LRRC24: variants seen among roughly 807,000 people sequenced by gnomAD.
LRRC24 encodes the protein leucine rich repeat containing 24.
A neutral mutation model predicts 15.3 loss-of-function variants in LRRC24; 19 were observed. The observed-to-expected ratio is 1.25, with a 90% CI of 0.87 to 1.83. The LOEUF (loss-of-function observed/expected upper bound fraction) is 1.83, where lower values mean the gene tolerates loss of function less well. Among genes scored for constraint, LRRC24 ranks in the 40% most tolerant of loss-of-function variants. The probability of loss-of-function intolerance (pLI) is 0.00; values close to 1 mark genes in which losing one functional copy is unlikely to be tolerated. For missense variants in LRRC24, 914 were observed against 723.9 expected (o/e 1.26, Z -3.01); for synonymous variants, 469 against 359.6 (o/e 1.30, Z -3.44).
At chr8:144,525,638 C>T (rs1245591543) in intron 1 of LRRC24, 2 of 152,222 alleles carry the variant, frequency 1.3e-5, no homozygotes, top group African/African-American at 4.8e-5. Context: ...GTGGGACCAG[C>T]TTAACTAGAA....
chr8:144,522,520 C>T lies in LRRC24; in HGVS notation c.1497G>A (p.Pro499=), dbSNP rs764467429. The change falls in exon 5 of 5, where the codon CCG becomes CCA. Residue 499 remains proline, a synonymous_variant. Transcript: ENST00000529415. ...CGACCGGCGGGGGCACGCGGAGTCC[C>T]GGCCCCGCCCCCTGTTCCGGGCCGC... The part of the protein sequence containing the change: ...ADCGPEQGAG[P]GLRVPPPVAY... 5.3e-6 allele frequency: 8 copies of T among 1,509,368 alleles called. No individual in the cohort carries two copies. Among genetic ancestry groups the T allele is most frequent in the Non-Finnish European group, 7.1e-6 (8 of 1,132,644 alleles). The allele number at this position is 1,509,368 out of a possible 1,614,324, so 93.5% of individuals were successfully genotyped here. A position where few individuals can be genotyped will look rare whatever the true frequency, so the allele number is the denominator to read the frequency against.
In LRRC24 at chr8:144,522,952, G is replaced by A. The variant is rs755456817; in HGVS notation, c.1065C>T (p.Arg355=). The A allele has an allele frequency of 6.4e-7, 1 of 1,571,812 alleles. No individual in the cohort carries two copies. Among genetic ancestry groups the A allele is most frequent in the Non-Finnish European group, 8.6e-7 (1 of 1,166,940 alleles). ...CEASNAGGAA[R]VPFRLLVNAS... ...CGTTGACCAGGAGCCGGAAGGGCAC[G>A]CGGGCAGCGCCGCCGGCGTTGGAGG... is the stretch of plus-strand genomic sequence containing the variant. The change falls in exon 5 of 5, where the codon CGC becomes CGT. Residue 355 remains arginine, a synonymous_variant. Transcript: ENST00000529415.
rs1440264595 is a variant in LRRC24 at position 144,522,975 on chromosome 8, A to C, written c.1042T>G (p.Ser348Ala). ...ACGCGGGCAGCGCCGCCGGCGTTGG[A>C]GGCCTCGCACTCGTACTTACCGGCG... is the stretch of plus-strand genomic sequence containing the variant. ...AHAGKYECEA[S>A]NAGGAARVPF... The change falls in exon 5 of 5, where the codon TCC (serine) becomes GCC (alanine). Residue 348 changes from serine (S) to alanine (A), a missense_variant. Ser to Ala is a moderately conservative substitution (Grantham distance 99, BLOSUM62 1). Coordinates refer to ENST00000529415, the MANE Select transcript of LRRC24 (RefSeq NM_001024678.4). The C allele has an allele frequency of 6.3e-7, 1 of 1,587,812 alleles. No homozygotes were observed. The highest frequency in any genetic ancestry group is 1.1e-5 in the South Asian group (1 of 90,022).
chr8:144,524,659 C>G lies in LRRC24; in HGVS notation c.220G>C (p.Ala74Pro). ...RLEPGALAPLAALRRLYLHNN... is the reference protein window; with the variant it reads ...RLEPGALAPLPALRRLYLHNN... ...TGCAGGTAGAGCCGGCGCAGAGCGGCGAGTGGCGCCAGGGCTCCCGGCTCT... is the reference window on the plus strand; with the variant it reads ...TGCAGGTAGAGCCGGCGCAGAGCGGGGAGTGGCGCCAGGGCTCCCGGCTCT... Residue 74 changes from alanine (A) to proline (P), a missense_variant, in exon 3 of 5, where the codon GCC becomes CCC. By Grantham distance (27) the Ala-to-Pro change is conservative. Coordinates refer to ENST00000529415, the MANE Select transcript of LRRC24 (RefSeq NM_001024678.4). 1 of 1,495,138 alleles carries G rather than the reference C, an allele frequency of 6.7e-7. No homozygotes were observed. 92.6% of individuals were successfully genotyped at this position (1,495,138 alleles called of 1,614,324 possible).
In LRRC24 at chr8:144,524,921, G is replaced by C; in HGVS notation, c.54C>G (p.Leu18=). ...AGGCTGCTGGGCAGCCGGCGGCGCG[G>C]AGCGGCAGTAGTAGCAGCAGCAGCG... is the stretch of plus-strand genomic sequence containing the variant. ...LLPLLLLLLP[L]RAAGCPAACR... Residue 18 remains leucine (L), a synonymous_variant, in exon 2 of 5, where the codon CTC becomes CTG. Transcript: ENST00000529415. 6.6e-7 allele frequency: 1 copy of C among 1,513,792 alleles called. No individual in the cohort carries two copies. Among genetic ancestry groups the C allele is most frequent in the African/African-American group, 1.4e-5 (1 of 72,176 alleles). 93.8% of individuals were successfully genotyped at this position (1,513,792 alleles called of 1,614,324 possible).
rs1020393264 is a variant in LRRC24, at chr8:144,526,991, C to T, written c.-91G>A. The T allele has an allele frequency of 2.0e-5, 3 of 153,260 alleles. No individual in the cohort carries two copies. The highest frequency in any genetic ancestry group is 4.8e-5 in the African/African-American group (2 of 41,464). The allele number at this position is 153,260 out of a possible 1,614,324, so 9.5% of individuals were successfully genotyped here. On this transcript the variant is annotated 5_prime_UTR_variant, in exon 1 of 5. Coordinates refer to ENST00000529415, the MANE Select transcript of LRRC24 (RefSeq NM_001024678.4). ...CTCCCGCGGCGAGCGGCTCCCCCGC[C>T]GTGCAGGTGGCGGCCGGGCCCGAGC... is the stretch of plus-strand genomic sequence containing the variant.
At position 144,524,476 on chromosome 8, in the gene LRRC24, C is replaced by T; in HGVS notation, c.403G>A (p.Ala135Thr). ...RVLYLAGNQLARLLDFTFLHL... is the reference protein window; with the variant it reads ...RVLYLAGNQLTRLLDFTFLHL... ...AAGAAGGTGAAATCCAGCAGCCGCG[C>T]CAGCTGGTTGCCCGCCAGGTAGAGC... The change falls in exon 3 of 5, where the codon GCG (alanine) becomes ACG (threonine). Residue 135 changes from alanine to threonine, a missense_variant. Transcript: ENST00000529415. 6.3e-7 allele frequency: 1 copy of T among 1,597,846 alleles called. No homozygotes were observed. Among genetic ancestry groups the T allele is most frequent in the East Asian group, 2.2e-5 (1 of 44,864 alleles).
chr8:144,523,547 C>T (rs1816219804), intron 4 of LRRC24, 138 bp from the exon 5 acceptor site: 18 of 1,332,860 alleles, frequency 1.4e-5, no homozygotes, highest in African/African-American at 6.1e-5. Context: ...GGCCCTGCCA[C>T]CCCTTCCTTG....
At position 144,522,485 on chromosome 8, in the gene LRRC24, A is replaced by C. The variant is rs1160097039; in HGVS notation, c.1532T>G (p.Ile511Ser). 3 of 1,487,700 alleles carry C rather than the reference A, an allele frequency of 2.0e-6. No individual in the cohort carries two copies. Among genetic ancestry groups the C allele is most frequent in the South Asian group, 1.3e-5 (1 of 76,198 alleles). The allele number at this position is 1,487,700 out of a possible 1,614,324, so 92.2% of individuals were successfully genotyped here. A position where few individuals can be genotyped will look rare whatever the true frequency, so the allele number is the denominator to read the frequency against. The part of the protein sequence containing the change: ...LRVPPPVAYE[I>S]HC ...CGCGCGCCCGCGGCCCTAGCAGTGG[A>C]TCTCGTAGGCGACCGGCGGGGGCAC... The change falls in exon 5 of 5, where the codon ATC becomes AGC. Residue 511 changes from isoleucine (I) to serine (S), a missense_variant. Physicochemically the swap from Ile to Ser is moderately radical, Grantham distance 142 (BLOSUM62 -2). Coordinates refer to ENST00000529415, the MANE Select transcript of LRRC24 (RefSeq NM_001024678.4).
In LRRC24 at chr8:144,523,131, C is replaced by A. The variant is rs370398968; in HGVS notation, c.886G>T (p.Val296Leu). The change falls in exon 5 of 5, where the codon GTG becomes TTG. Residue 296 changes from valine to leucine, a missense_variant. By Grantham distance (32) the Val-to-Leu change is conservative. Coordinates refer to ENST00000529415, the MANE Select transcript of LRRC24 (RefSeq NM_001024678.4). ...GGCCGGCCCTCGCGAGGCTGGGGCA[C>A]CTTTCTCCAGGTCACCAATGGCTGC... ...YPQPLVTWRK[V>L]PQPREGRPRA... 8.3e-5 allele frequency: 134 copies of A among 1,610,468 alleles called. No individual in the cohort carries two copies. The highest frequency in any genetic ancestry group is 1.1e-4 in the Non-Finnish European group (128 of 1,179,518).
At chr8:144,525,540 C>T (rs2130800325) in intron 1 of LRRC24, among the ~76,000 whole-genome samples, 1 of 152,260 alleles carries the variant, frequency 6.6e-6, no homozygotes, top group Middle Eastern at 3.4e-3. Context: ...CCTGTGGGGG[C>T]CTGGGCAGAG....
Position 144,522,555 on chromosome 8 carries a change from G to A in LRRC24, c.1462C>T (p.Pro488Ser), listed in dbSNP as rs529876907. The A allele has an allele frequency of 2.5e-5, 38 of 1,538,036 alleles. No individual in the cohort carries two copies. The highest frequency in any genetic ancestry group is 1.2e-4 in the Admixed American group (6 of 49,398). Residue 488 changes from proline (P) to serine (S), a missense_variant, in exon 5 of 5, where the codon CCC becomes TCC. Coordinates refer to ENST00000529415, the MANE Select transcript of LRRC24 (RefSeq NM_001024678.4). ...PLFAEGPAEA[P>S]ADCGPEQGAG... ...CCCTGTTCCGGGCCGCAGTCAGCGG[G>A]CGCCTCCGCCGGACCCTCGGCGAAG...
chr8:144,522,941 C>G lies in LRRC24; in HGVS notation c.1076G>C (p.Arg359Pro). ...CTGCCGGGACGCGTTGACCAGGAGC[C>G]GGAAGGGCACGCGGGCAGCGCCGCC... ...NAGGAARVPFRLLVNASRQQP... is the reference protein window; with the variant it reads ...NAGGAARVPFPLLVNASRQQP... Residue 359 changes from arginine (R) to proline (P), a missense_variant, in exon 5 of 5, where the codon CGG becomes CCG. Physicochemically the swap from Arg to Pro is moderately radical, Grantham distance 103. Coordinates refer to ENST00000529415, the MANE Select transcript of LRRC24 (RefSeq NM_001024678.4). 1 of 1,557,704 alleles carries G rather than the reference C, an allele frequency of 6.4e-7. No individual in the cohort carries two copies. Among genetic ancestry groups the G allele is most frequent in the Non-Finnish European group, 8.6e-7 (1 of 1,160,980 alleles).
In LRRC24 at chr8:144,522,840, T is replaced by C; in HGVS notation, c.1177A>G (p.Ser393Gly). The C allele has an allele frequency of 7.3e-7, 1 of 1,378,188 alleles. No individual in the cohort carries two copies. Among genetic ancestry groups the C allele is most frequent in the Non-Finnish European group, 9.4e-7 (1 of 1,068,180 alleles). 85.4% of individuals were successfully genotyped at this position (1,378,188 alleles called of 1,614,324 possible). Residue 393 changes from serine (S) to glycine (G), a missense_variant, in exon 5 of 5, where the codon AGC becomes GGC. Transcript: ENST00000529415. ...AGSEPRPEAGSMAFRALGVAT... is the reference protein window; with the variant it reads ...AGSEPRPEAGGMAFRALGVAT... ...ACGCCCAGGGCGCGGAAGGCCATGC[T>C]GCCCGCCTCGGGCCGGGGCTCGCTG...
chr8:144,525,599 G>A (rs1816333095), intron 1 of LRRC24: 2 of 152,244 alleles, frequency 1.3e-5, no homozygotes, highest in Admixed American at 6.5e-5. Flanking sequence ...GCACAGCTTT[G>A]TCCAGCACCT....
chr8:144,526,476 T>C (rs1816364665), intron 1 of LRRC24: 1 of 152,192 alleles, frequency 6.6e-6, no homozygotes, highest in Non-Finnish European at 1.5e-5. Flanking sequence ...CCCCACTAGA[T>C]GCAGATCGGT....
Position 144,522,869 on chromosome 8 carries a change from G to C in LRRC24, c.1148C>G (p.Ala383Gly), listed in dbSNP as rs1338908402. Reference protein sequence around the residue: ...AQPPPPAARPAGSEPRPEAGS... With the variant: ...AQPPPPAARPGGSEPRPEAGS... ...CGCCTCGGGCCGGGGCTCGCTGCCG[G>C]CGGGGCGGGCGGCCGGAGGCGGCGG... Residue 383 changes from alanine (A) to glycine (G), a missense_variant, in exon 5 of 5, where the codon GCC (alanine) becomes GGC (glycine). Coordinates refer to ENST00000529415, the MANE Select transcript of LRRC24 (RefSeq NM_001024678.4). 7.9e-7 allele frequency: 1 copy of C among 1,263,626 alleles called. No homozygotes were observed. Among genetic ancestry groups the C allele is most frequent in the Non-Finnish European group, 9.9e-7 (1 of 1,011,286 alleles). 78.3% of individuals were successfully genotyped at this position (1,263,626 alleles called of 1,614,324 possible).
At position 144,524,831 on chromosome 8, in the gene LRRC24, G is replaced by C. The variant is rs1816300954; in HGVS notation, c.144C>G (p.Ile48Met). The C allele has an allele frequency of 6.8e-7, 1 of 1,473,626 alleles. No individual in the cohort carries two copies. Among genetic ancestry groups the C allele is most frequent in the Non-Finnish European group, 9.0e-7 (1 of 1,112,472 alleles). The allele number at this position is 1,473,626 out of a possible 1,614,324, so 91.3% of individuals were successfully genotyped here. A position where few individuals can be genotyped will look rare whatever the true frequency, so the allele number is the denominator to read the frequency against. Residue 48 changes from isoleucine to methionine, a missense_variant, in exon 2 of 5, where the codon ATC (isoleucine) becomes ATG (methionine). Physicochemically the swap from Ile to Met is conservative, Grantham distance 10. Coordinates refer to ENST00000529415, the MANE Select transcript of LRRC24 (RefSeq NM_001024678.4). ...ALRLRVVPLG[I>M]PPGTQTLFLQ... Reference sequence around the variant, plus strand: ...CGGTGCCCACCTGCGTCCCTGGCGGGATTCCCAGCGGGACGACGCGCAACC... The same window carrying C: ...CGGTGCCCACCTGCGTCCCTGGCGGCATTCCCAGCGGGACGACGCGCAACC...
rs1586854003 is a variant in LRRC24 at position 144,522,951 on chromosome 8, C to CG, written c.1065dup (p.Val356ArgfsTer135). ...GCGTTGACCAGGAGCCGGAAGGGCA[C>CG]GCGGGCAGCGCCGCCGGCGTTGGAG... is the stretch of plus-strand genomic sequence containing the variant. On this transcript the variant is annotated frameshift_variant, in exon 5 of 5. Coordinates refer to ENST00000529415, the MANE Select transcript of LRRC24 (RefSeq NM_001024678.4). LOFTEE classifies it low-confidence loss of function (END_TRUNC). The CG allele has an allele frequency of 6.4e-7, 1 of 1,571,546 alleles. No homozygotes were observed. Among genetic ancestry groups the CG allele is most frequent in the Non-Finnish European group, 8.6e-7 (1 of 1,166,850 alleles).
Sources: gnomAD v4.1 joint callset for allele counts (sites outside exome capture counted in the v4.1 genomes callset) on GRCh38, gnomAD v4.1.1 for gene constraint, MANE v1.5 for transcripts, NCBI Gene and HGNC (gene_info 2026-07-23, HGNC 2026-07-21) for gene names.